CDK14: variants seen among roughly 807,000 people sequenced by gnomAD.
The protein encoded by CDK14 is cyclin-dependent kinase 14.
In CDK14, 34 loss-of-function variants were observed where a neutral mutation model predicts 60.7. That is an observed-to-expected ratio of 0.56 (90% CI 0.43 to 0.75). CDK14 has a LOEUF of 0.75. Ranked by LOEUF, CDK14 falls within the 30% of genes least tolerant of loss-of-function variation. The pLI, the probability that CDK14 is intolerant of heterozygous loss-of-function variation, is 0.00. For missense variants in CDK14, 482 were observed against 564.1 expected (o/e 0.85, Z 1.47); for synonymous variants, 197 against 203.7 (o/e 0.97, Z 0.28).
At chr7:91,045,796 C>T in intron 10 of CDK14, 101 bp from the exon 11 acceptor site, 2 of 693,744 alleles carry the variant, frequency 2.9e-6, no homozygotes, top group Non-Finnish European at 2.5e-6. Flanking sequence ...AAAAAAATAC[C>T]AGAGTTTCAT....
At chr7:91,174,454 G>A (rs1472585696) in intron 14 of CDK14, among the ~76,000 whole-genome samples, 1 of 151,890 alleles carries the variant, frequency 6.6e-6, no homozygotes, top group African/African-American at 2.4e-5. Flanking sequence ...AAAGCTGGAT[G>A]GAGAATGACT....
At chr7:91,196,844 G>A (rs1231415367) in intron 14 of CDK14, among the ~76,000 whole-genome samples, 1 of 152,222 alleles carries the variant, frequency 6.6e-6, no homozygotes, top group Non-Finnish European at 1.5e-5. Flanking sequence ...AGAGAAGGCT[G>A]CTGGCTCAGT....
chr7:91,004,265 T>C (rs1172349964), intron 10 of CDK14, among the ~76,000 whole-genome samples: 4 of 152,228 alleles, frequency 2.6e-5, no homozygotes, highest in Admixed American at 2.6e-4. Flanking sequence ...ACATCTAGCC[T>C]GACTTACTAA....
At chr7:90,899,947 G>T (rs1465398063) in intron 7 of CDK14, among the ~76,000 whole-genome samples, 1 of 152,076 alleles carries the variant, frequency 6.6e-6, no homozygotes, top group Non-Finnish European at 1.5e-5. Flanking sequence ...AGAGATCAAA[G>T]TTATATCTGA....
intron 3 of CDK14, among the ~76,000 whole-genome samples, chr7:90,728,797 T>TA (rs1385008960): frequency 6.6e-6 from 1 of 152,126 alleles, no homozygotes; most frequent in Admixed American, 6.6e-5. Flanking sequence ...GCTCTGTGCC[T>TA]GGGTGGCTTG....
chr7:90,709,449 T>A, intron 2 of CDK14: 1 of 1,542,174 alleles, frequency 6.5e-7, no homozygotes, highest in Non-Finnish European at 8.7e-7. Context: ...ATTAGCTGTT[T>A]GGCTCCCATT....
chr7:90,670,397 G>A (rs981781506), intron 2 of CDK14, among the ~76,000 whole-genome samples: 5 of 152,152 alleles, frequency 3.3e-5, no homozygotes, highest in African/African-American at 1.2e-4. Context: ...TTTATCCTTA[G>A]TGGAGTCTTT....
At chr7:91,077,753 C>T (rs1010221327) in intron 11 of CDK14, among the ~76,000 whole-genome samples, 2 of 150,730 alleles carry the variant, frequency 1.3e-5, no homozygotes. Context: ...TACACACACA[C>T]ACACACACAC....
In CDK14 at chr7:90,596,661, A is replaced by G; in HGVS notation, c.34A>G (p.Lys12Glu). Residue 12 changes from lysine (K) to glutamate (E), a missense_variant, in exon 1 of 15, where the codon AAG becomes GAG. Lys to Glu is a moderately conservative substitution (Grantham distance 56). Coordinates refer to ENST00000380050, the MANE Select transcript of CDK14 (RefSeq NM_001287135.2). ...CCTCATTGAGCCGCAGCCGGCCGAG[A>G]AGATCGGCAAGATGAAGAAGTTGCG... is the stretch of plus-strand genomic sequence containing the variant. ...CDLIEPQPAE[K>E]IGKMKKLRRT... 1.2e-6 allele frequency: 2 copies of G among 1,612,084 alleles called. No individual in the cohort carries two copies. The highest frequency in any genetic ancestry group is 1.7e-6 in the Non-Finnish European group (2 of 1,179,412).
At chr7:90,802,915 T>C (rs1788695542) in intron 5 of CDK14, among the ~76,000 whole-genome samples, 1 of 152,198 alleles carries the variant, frequency 6.6e-6, no homozygotes, top group Non-Finnish European at 1.5e-5. Context: ...TTTTCTTCTA[T>C]ATTGTCACTT....
chr7:90,859,795 A>T (rs2117209121), intron 5 of CDK14, among the ~76,000 whole-genome samples: 1 of 152,258 alleles, frequency 6.6e-6, no homozygotes, highest in South Asian at 2.1e-4. Context: ...CTCTTTAAAG[A>T]TATGGCCTTG....
chr7:90,805,240 T>C (rs1477805075), intron 5 of CDK14, among the ~76,000 whole-genome samples: 1 of 152,098 alleles, frequency 6.6e-6, no homozygotes, highest in Non-Finnish European at 1.5e-5. Flanking sequence ...TTTAAAAAAA[T>C]GTAACCCATG....
At chr7:90,771,064 T>C (rs539246646) in intron 4 of CDK14, among the ~76,000 whole-genome samples, 1 of 152,344 alleles carries the variant, frequency 6.6e-6, no homozygotes, top group South Asian at 2.1e-4. Context: ...CCTTCTAGCC[T>C]TGATGTCTCC....
chr7:90,701,914 T>C, intron 2 of CDK14, among the ~76,000 whole-genome samples: 1 of 152,178 alleles, frequency 6.6e-6, no homozygotes, highest in Non-Finnish European at 1.5e-5. Context: ...GAGTTGAGCT[T>C]CTTTACAGGT....
chr7:90,632,882 A>C (rs1282075316), intron 2 of CDK14, among the ~76,000 whole-genome samples: 1 of 152,144 alleles, frequency 6.6e-6, no homozygotes, highest in Non-Finnish European at 1.5e-5. Context: ...TGAGGTCAGG[A>C]ATTCGAGACC....
At chr7:90,715,989 C>G (rs1004827220) in intron 2 of CDK14, among the ~76,000 whole-genome samples, 23 of 151,922 alleles carry the variant, frequency 1.5e-4, no homozygotes, top group African/African-American at 5.3e-4. Context: ...TAACACGTAC[C>G]ATTTGGTCGT....
chr7:90,772,982 G>A (rs1481993153), intron 4 of CDK14, among the ~76,000 whole-genome samples: 1 of 152,078 alleles, frequency 6.6e-6, no homozygotes, highest in East Asian at 1.9e-4. Context: ...AAATTTTTCT[G>A]TACTGACCAA....
At chr7:91,089,084 A>G (rs1437808734) in intron 12 of CDK14, among the ~76,000 whole-genome samples, 1 of 152,168 alleles carries the variant, frequency 6.6e-6, no homozygotes, top group Admixed American at 6.6e-5. Context: ...ACTTTTAGGG[A>G]TAAAATCATG....
chr7:91,116,732 C>G (rs1011673967), intron 13 of CDK14, among the ~76,000 whole-genome samples: 10 of 152,056 alleles, frequency 6.6e-5, no homozygotes, highest in African/African-American at 2.4e-4. Context: ...CCCAGCCTAT[C>G]GAAGATTCAA....
Sources: gnomAD v4.1 joint callset for allele counts (sites outside exome capture counted in the v4.1 genomes callset) on GRCh38, gnomAD v4.1.1 for gene constraint, MANE v1.5 for transcripts, NCBI Gene and HGNC (gene_info 2026-07-23, HGNC 2026-07-21) for gene names.